Variants in CNTN6 observed in about 807,000 individuals in gnomAD.
CNTN6 encodes contactin 6.
CNTN6 carries 137 observed loss-of-function variants against 122.8 expected under a neutral mutation model. The observed-to-expected ratio is 1.12, with a 90% confidence interval of 0.97 to 1.29. The LOEUF (loss-of-function observed/expected upper bound fraction) is 1.29, where lower values mean the gene tolerates loss of function less well. CNTN6 is among the 50% of genes most tolerant of loss of function. CNTN6 has a pLI of 0.00. For missense variants in CNTN6, 1,634 were observed against 1,223.4 expected (o/e 1.34, Z -5.01); for synonymous variants, 570 against 426.0 (o/e 1.34, Z -4.16).
chr3:1,247,662 C>T (rs3772340), intron 4 of CNTN6, among the ~76,000 whole-genome samples: 50,864 of 151,838 alleles, frequency 0.33, 9,239 homozygotes, highest in East Asian at 0.58. Flanking sequence ...GTATAATCAC[C>T]CTGAGTATAA....
chr3:1,098,789 C>CATATATATATATATATATAT (rs1169127167), intron 1 of CNTN6, among the ~76,000 whole-genome samples: 148 of 63,166 alleles, frequency 2.3e-3, no homozygotes, highest in Non-Finnish European at 2.7e-3. Flanking sequence ...CACACACACA[C>CATATATATATATATATATAT]ATATATATAT....
At chr3:1,362,029 G>A (rs1327211767) in intron 12 of CNTN6, among the ~76,000 whole-genome samples, 1 of 152,078 alleles carries the variant, frequency 6.6e-6, no homozygotes. Flanking sequence ...ATAGAATGAA[G>A]TCTGCTAAGC....
At chr3:1,343,441 T>A (rs986468574) in intron 11 of CNTN6, among the ~76,000 whole-genome samples, 2 of 152,122 alleles carry the variant, frequency 1.3e-5, no homozygotes, top group Non-Finnish European at 2.9e-5. Flanking sequence ...CCACATTGTT[T>A]ATAAGTATAA....
intron 2 of CNTN6, among the ~76,000 whole-genome samples, chr3:1,213,666 A>T (rs896305227): frequency 6.6e-6 from 1 of 151,948 alleles, no homozygotes; most frequent in Non-Finnish European, 1.5e-5. Flanking sequence ...TCATGTATAG[A>T]TAGATAATAG....
chr3:1,152,146 G>T (rs1364927970), intron 2 of CNTN6, among the ~76,000 whole-genome samples: 5 of 151,150 alleles, frequency 3.3e-5, no homozygotes, highest in Non-Finnish European at 5.9e-5. Context: ...TTGTTTGTTT[G>T]TTTGTTTTTT....
At chr3:1,315,745 A>G (rs1358139684) in intron 7 of CNTN6, among the ~76,000 whole-genome samples, 2 of 151,904 alleles carry the variant, frequency 1.3e-5, no homozygotes, top group East Asian at 3.9e-4. Context: ...ACACCCACAC[A>G]TCCATGTCTC....
chr3:1,300,121 T>C (rs408616), intron 7 of CNTN6, among the ~76,000 whole-genome samples: 52,030 of 151,622 alleles, frequency 0.34, 9,316 homozygotes, highest in African/African-American at 0.45. Flanking sequence ...GGACTACAGG[T>C]GCCCGCCACC....
At chr3:1,112,657 A>G (rs1375361580) in intron 1 of CNTN6, among the ~76,000 whole-genome samples, 2 of 152,112 alleles carry the variant, frequency 1.3e-5, no homozygotes, top group East Asian at 3.9e-4. Context: ...CTCACATGCT[A>G]ATTTCTTCTG....
At chr3:1,291,218 A>C (rs1575577637) in intron 5 of CNTN6, among the ~76,000 whole-genome samples, 1 of 152,316 alleles carries the variant, frequency 6.6e-6, no homozygotes, top group African/African-American at 2.4e-5. Flanking sequence ...TGATGAAATA[A>C]GTTTTTTTCT....
At chr3:1,257,237 A>C (rs1253847861) in intron 4 of CNTN6, among the ~76,000 whole-genome samples, 2 of 152,090 alleles carry the variant, frequency 1.3e-5, no homozygotes, top group Non-Finnish European at 2.9e-5. Context: ...ATTTCCAGGA[A>C]TTATTTTAAA....
chr3:1,290,287 C>T (rs763347089), intron 5 of CNTN6, among the ~76,000 whole-genome samples: 12 of 152,148 alleles, frequency 7.9e-5, no homozygotes, highest in Non-Finnish European at 1.6e-4. Flanking sequence ...GGCAGTTTAA[C>T]TTATTTATCT....
chr3:1,272,374 C>T (rs2095041186), intron 4 of CNTN6, among the ~76,000 whole-genome samples: 3 of 152,112 alleles, frequency 2.0e-5, no homozygotes, highest in South Asian at 4.1e-4. Flanking sequence ...GACAATGGTA[C>T]AGGTGATTGT....
At chr3:1,192,017 C>T (rs189429242) in intron 2 of CNTN6, among the ~76,000 whole-genome samples, 21 of 152,270 alleles carry the variant, frequency 1.4e-4, no homozygotes, top group Non-Finnish European at 2.2e-4. Context: ...TACTTTATTG[C>T]GGTGCCGTGC....
At chr3:1,227,718 G>A in intron 3 of CNTN6, 100 bp from the exon 4 acceptor site, 10 of 1,248,566 alleles carry the variant, frequency 8.0e-6, no homozygotes, top group Non-Finnish European at 1.1e-5. Flanking sequence ...ATGTTTTTTG[G>A]TGTTTTTTAT....
chr3:1,239,367 T>C (rs1307284946), intron 4 of CNTN6, among the ~76,000 whole-genome samples: 1 of 152,156 alleles, frequency 6.6e-6, no homozygotes, highest in Non-Finnish European at 1.5e-5. Flanking sequence ...CTCTGCTGCC[T>C]ACCAACAGTG....
chr3:1,389,726 C>A (rs373082704), intron 20 of CNTN6, among the ~76,000 whole-genome samples: 17,188 of 140,584 alleles, frequency 0.12, 1,318 homozygotes, highest in Middle Eastern at 0.15. Context: ...TCTACTGAGC[C>A]AATGGAAAAC....
At chr3:1,152,512 C>T (rs2092869196) in intron 2 of CNTN6, among the ~76,000 whole-genome samples, 1 of 152,012 alleles carries the variant, frequency 6.6e-6, no homozygotes, top group African/African-American at 2.4e-5. Context: ...CACGTAGGGT[C>T]AAATTTTGTT....
At chr3:1,291,226 T>C (rs1312273708) in intron 5 of CNTN6, among the ~76,000 whole-genome samples, 2 of 152,226 alleles carry the variant, frequency 1.3e-5, no homozygotes, top group Admixed American at 1.3e-4. Flanking sequence ...TAAGTTTTTT[T>C]CTGAATTTAT....
intron 12 of CNTN6, among the ~76,000 whole-genome samples, chr3:1,364,093 G>A (rs1707866926): frequency 6.6e-6 from 1 of 151,784 alleles, no homozygotes; most frequent in South Asian, 2.1e-4. Context: ...TTCTACAGTT[G>A]GAAGGAAAAC....
Sources: gnomAD v4.1 joint callset for allele counts (sites outside exome capture counted in the v4.1 genomes callset) on GRCh38, gnomAD v4.1.1 for gene constraint, MANE v1.5 for transcripts, NCBI Gene and HGNC (gene_info 2026-07-23, HGNC 2026-07-21) for gene names.